COL16A1: variants seen among roughly 807,000 people sequenced by gnomAD.
COL16A1 encodes the protein collagen type XVI alpha 1 chain.
Under a neutral mutation model 266.3 loss-of-function variants are expected in COL16A1, and 189 were observed. The observed-to-expected ratio is 0.71, with a 90% CI of 0.63 to 0.80. The LOEUF is 0.80. Ranked by LOEUF, COL16A1 falls within the 30% of genes least tolerant of loss-of-function variation. The pLI, the probability that COL16A1 is intolerant of heterozygous loss-of-function variation, is 0.00. For synonymous variants in COL16A1, 740 were observed against 782.3 expected, an observed-to-expected ratio of 0.95 and a Z score of 0.90; for missense variants, 1,928 against 2,122.4, an observed-to-expected ratio of 0.91 and a Z score of 1.80.
rs1040315821 is a variant in COL16A1 at position 31,672,738 on chromosome 1, C to T, written c.2962G>A (p.Asp988Asn). Residue 988 changes from aspartate (D) to asparagine (N), a missense_variant, in exon 45 of 71, where the codon GAC (aspartate) becomes AAC (asparagine). Transcript: ENST00000373672. ...CAGTCCCTTACCTGGGCGCAGTTGTCGAGGCCTGGCACACCAGGGATGCCC... is the reference window on the plus strand; with the variant it reads ...CAGTCCCTTACCTGGGCGCAGTTGTTGAGGCCTGGCACACCAGGGATGCCC... ...DQGIPGVPGLDNCAQCFLSLE... is the reference protein window; with the variant it reads ...DQGIPGVPGLNNCAQCFLSLE... 19 of 1,613,980 alleles carry T rather than the reference C, an allele frequency of 1.2e-5. No individual in the cohort carries two copies. The highest frequency in any genetic ancestry group is 4.0e-5 in the African/African-American group (3 of 74,938).
In COL16A1 at chr1:31,692,007, C is replaced by G. The variant is rs1280967712; in HGVS notation, c.1255G>C (p.Asp419His). ...GGGGAAGGGTCCCAGGCACCTACGT[C>G]CCGGCCTGGCTTTCCCGGCACGCCC... ...IKGVPGKPGR[D>H]GRPGEICVIG... The change falls in exon 17 of 71, where the codon GAC becomes CAC. Residue 419 changes from aspartate to histidine, a missense_variant and splice_region_variant. By Grantham distance (81) the Asp-to-His change is moderately conservative. Around this residue, in one of 2 missense-constraint regions of COL16A1, gnomAD observed 1,552 missense variants for 1,637.2 expected, o/e 0.95. Transcript: ENST00000373672. The G allele has an allele frequency of 6.2e-7, 1 of 1,613,888 alleles. No individual in the cohort carries two copies. The highest frequency in any genetic ancestry group is 1.7e-5 in the Admixed American group (1 of 60,026).
intron 11 of COL16A1, among the ~76,000 whole-genome samples, 185 bp downstream of exon 11, chr1:31,695,001 C>T (rs1381433816): frequency 6.6e-6 from 1 of 152,212 alleles, no homozygotes; most frequent in Non-Finnish European, 1.5e-5. Context: ...CTTTCTTCCA[C>T]ACAGTCCTGG....
chr1:31,698,477 G>T lies in COL16A1; in HGVS notation c.390+6C>A, dbSNP rs767546770. 1.2e-6 allele frequency: 2 copies of T among 1,614,100 alleles called. No individual in the cohort carries two copies. The highest frequency in any genetic ancestry group is 1.7e-5 in the Admixed American group (1 of 60,018). ...AAGAGGCAATCAGGGCACAGGGGAG[G>T]TTCACCTGTGGATACCCATTTGCAT... On this transcript the variant is annotated splice_donor_region_variant and intron_variant, in intron 5 of 70. Transcript: ENST00000373672. This position sits in a 1 kb window ranked among gnomAD's most constrained non-coding sequence, Gnocchi z 4.1.
chr1:31,666,120 G>GA lies in COL16A1; in HGVS notation c.3358-40_3358-39insT, dbSNP rs757058592. On this transcript the variant is annotated intron_variant, in intron 52 of 70. Coordinates refer to ENST00000373672, the MANE Select transcript of COL16A1 (RefSeq NM_001856.4). Reference sequence around the variant, plus strand: ...GGAACAGAATCAGTCACTCCTCCTGGGGAGGTGAAGGATGAGGTAGGGGGA... The same window carrying GA: ...GGAACAGAATCAGTCACTCCTCCTGGAGGAGGTGAAGGATGAGGTAGGGGGA... 2.2e-5 allele frequency: 35 copies of GA among 1,592,578 alleles called. 1 individual carries two copies. In the South Asian group the frequency reaches 2.5e-4, roughly 11 times the overall value.
rs777478346 is a variant in COL16A1 at position 31,683,972 on chromosome 1, G to A, written c.2315C>T (p.Pro772Leu). 3 of 1,614,182 alleles carry A rather than the reference G, an allele frequency of 1.9e-6. No individual in the cohort carries two copies. The highest frequency in any genetic ancestry group is 2.5e-6 in the Non-Finnish European group (3 of 1,180,020). Residue 772 changes from proline (P) to leucine (L), a missense_variant, in exon 33 of 71, where the codon CCC (proline) becomes CTC (leucine). Physicochemically the swap from Pro to Leu is moderately conservative, Grantham distance 98. Coordinates refer to ENST00000373672, the MANE Select transcript of COL16A1 (RefSeq NM_001856.4). ...TACCTGCACGCCCTTCAGTCCTGGGGGCCCTTGAACTCCTGGTAGACCGGG... is the reference window on the plus strand; with the variant it reads ...TACCTGCACGCCCTTCAGTCCTGGGAGCCCTTGAACTCCTGGTAGACCGGG... ...GQPGLPGVQGPPGLKGVQGEP... is the reference protein window; with the variant it reads ...GQPGLPGVQGLPGLKGVQGEP...
At chr1:31,681,194 G>T (rs1376268957) in intron 37 of COL16A1, 127 bp from the exon 38 acceptor site, 28 of 1,336,472 alleles carry the variant, frequency 2.1e-5, no homozygotes, top group Admixed American at 2.8e-5. Flanking sequence ...AGGGCCGAGG[G>T]CCCACGTTCC....
rs758022372 is a variant in COL16A1, at chr1:31,679,635, C to T, written c.2769G>A (p.Leu923=). 5 of 1,614,236 alleles carry T rather than the reference C, an allele frequency of 3.1e-6. No homozygotes were observed. In the South Asian group the frequency reaches 5.5e-5, roughly 18 times the overall value. The change falls in exon 42 of 71, where the codon CTG becomes CTA. Residue 923 remains leucine (L), a synonymous_variant. Coordinates refer to ENST00000373672, the MANE Select transcript of COL16A1 (RefSeq NM_001856.4). ...GPPGPPGVPG[L]QGVPGNNGLP... ...TCATTCTCTTCTCCCCCTTTACCTGCAGCCCAGGTACTCCAGGGGGGCCTG... is the reference window on the plus strand; with the variant it reads ...TCATTCTCTTCTCCCCCTTTACCTGTAGCCCAGGTACTCCAGGGGGGCCTG...
chr1:31,689,631 G>A, intron 23 of COL16A1, 110 bp downstream of exon 23: 1 of 833,446 alleles, frequency 1.2e-6, no homozygotes, highest in Non-Finnish European at 2.0e-6. Context: ...TAATCTCTCT[G>A]TAGCCACGAG....
At chr1:31,676,618 A>G (rs1355063221) in intron 42 of COL16A1, among the ~76,000 whole-genome samples, 1 of 152,216 alleles carries the variant, frequency 6.6e-6, no homozygotes, top group African/African-American at 2.4e-5. Flanking sequence ...TCTATAAAAC[A>G]GGGATAGTTT....
At chr1:31,674,605 T>C (rs921732675) in intron 44 of COL16A1, among the ~76,000 whole-genome samples, 1 of 152,204 alleles carries the variant, frequency 6.6e-6, no homozygotes, top group African/African-American at 2.4e-5. Context: ...CAGCTGAAGC[T>C]TTCTTCCAGG....
rs1218354651 is a variant in COL16A1, at chr1:31,689,752, C to G, written c.1609G>C (p.Val537Leu). Residue 537 changes from valine to leucine, a missense_variant, in exon 23 of 71, where the codon GTA becomes CTA. Physicochemically the swap from Val to Leu is conservative, Grantham distance 32. Around this residue, in one of 2 missense-constraint regions of COL16A1, gnomAD observed 1,552 missense variants for 1,637.2 expected, o/e 0.95. Coordinates refer to ENST00000373672, the MANE Select transcript of COL16A1 (RefSeq NM_001856.4). ...PGPKGEPGDP[V>L]PARGDPGIQG... ...CCCTGGGCACTCACCCTGGCTGGTA[C>G]AGGATCACCAGGCTCCCCTTTGGGC... The G allele has an allele frequency of 6.2e-7, 1 of 1,614,010 alleles. No individual in the cohort carries two copies. Among genetic ancestry groups the G allele is most frequent in the Non-Finnish European group, 8.5e-7 (1 of 1,179,894 alleles).
In COL16A1 at chr1:31,661,681, G is replaced by A. The variant is rs754482093; in HGVS notation, c.3705C>T (p.Pro1235=). 10 of 1,604,456 alleles carry A rather than the reference G, an allele frequency of 6.2e-6. No homozygotes were observed. Among genetic ancestry groups the A allele is most frequent in the Non-Finnish European group, 7.6e-6 (9 of 1,177,542 alleles). The change falls in exon 59 of 71, where the codon CCC becomes CCT. Residue 1235 remains proline (P), a synonymous_variant. Transcript: ENST00000373672. ...GLRGDPGPAG[P]PGLMGPPGFK... is the part of the protein sequence containing the mutation. ...TTACCGGTGGTCCCATGAGTCCAGG[G>A]GGGCCAGCAGGACCAGGGTCCCCCT...
rs778006208 is a variant in COL16A1, at chr1:31,666,051, G to A, written c.3388C>T (p.Pro1130Ser). ...GPPGSEGLPG[P>S]PGPAGPRGER... ...CCTTCACTCACCGCTGGGCCTGGGG[G>A]GCCTGGGAGGCCTTCAGATCCTGGG... Residue 1130 changes from proline (P) to serine (S), a missense_variant, in exon 53 of 71, where the codon CCC becomes TCC. Pro to Ser is a moderately conservative substitution (Grantham distance 74). Coordinates refer to ENST00000373672, the MANE Select transcript of COL16A1 (RefSeq NM_001856.4). 1 of 1,612,872 alleles carries A rather than the reference G, an allele frequency of 6.2e-7. No homozygotes were observed. Among genetic ancestry groups the A allele is most frequent in the South Asian group, 1.1e-5 (1 of 91,044 alleles).
In COL16A1 at chr1:31,697,424, T is replaced by G; in HGVS notation, c.658-124A>C. On this transcript the variant is annotated intron_variant, in intron 6 of 70. Coordinates refer to ENST00000373672, the MANE Select transcript of COL16A1 (RefSeq NM_001856.4). The surrounding 1 kb of genome is among the most constrained non-coding windows in gnomAD (Gnocchi z 4.2). ...ACCTCAGGGTGTTTCCAGTCTGGCC[T>G]GGGAGACATCAAAAATAGAGTTGTC... 1 of 950,404 alleles carries G rather than the reference T, an allele frequency of 1.1e-6. No homozygotes were observed. Among genetic ancestry groups the G allele is most frequent in the Non-Finnish European group, 1.5e-6 (1 of 647,668 alleles). 58.9% of individuals were successfully genotyped at this position (950,404 alleles called of 1,614,324 possible).
At chr1:31,690,983 G>A (rs1644235660) in intron 20 of COL16A1, among the ~76,000 whole-genome samples, 2 of 152,208 alleles carry the variant, frequency 1.3e-5, no homozygotes, top group African/African-American at 4.8e-5. Flanking sequence ...GGCGGAGGTT[G>A]CAGTGAGCAG....
chr1:31,680,842 G>A, intron 39 of COL16A1, 63 bp downstream of exon 39: 1 of 1,613,184 alleles, frequency 6.2e-7, no homozygotes, highest in South Asian at 1.1e-5. Context: ...ACGGGTCACA[G>A]GTGGGAAGGC....
intron 67 of COL16A1, 96 bp from the exon 68 acceptor site, chr1:31,654,954 G>A: frequency 4.2e-6 from 5 of 1,199,902 alleles, no homozygotes; most frequent in Non-Finnish European, 5.8e-6. Flanking sequence ...AAAGGTCCCA[G>A]GAGCCTCCCA....
intron 13 of COL16A1, 120 bp downstream of exon 13, chr1:31,692,972 C>T: frequency 1.0e-6 from 1 of 955,906 alleles, no homozygotes; most frequent in Non-Finnish European, 1.6e-6. Context: ...CACCCCCCTC[C>T]CGTGATCTGG....
intron 47 of COL16A1, 130 bp from the exon 48 acceptor site, chr1:31,671,789 A>G (rs1642734198): frequency 9.5e-7 from 1 of 1,055,464 alleles, no homozygotes; most frequent in Non-Finnish European, 1.4e-6. Context: ...AAGCAGGACC[A>G]CTTAGCTGAT....
Sources: gnomAD v4.1 joint callset for allele counts (sites outside exome capture counted in the v4.1 genomes callset) on GRCh38, gnomAD v4.1.1 for gene constraint, gnomAD v4.1.1 regional missense constraint, Gnocchi (gnomAD v3.1) non-coding constraint, MANE v1.5 for transcripts, NCBI Gene and HGNC (gene_info 2026-07-23, HGNC 2026-07-21) for gene names.